PKNOX2: variants seen among roughly 807,000 people sequenced by gnomAD.
PKNOX2 encodes the protein PBX/knotted 1 homeobox 2.
In PKNOX2, 14 loss-of-function variants were observed where a neutral mutation model predicts 53.1. That is an observed-to-expected ratio of 0.26 (90% confidence interval 0.17 to 0.41). The LOEUF (loss-of-function observed/expected upper bound fraction) is 0.41. PKNOX2 is among the 10% of genes least tolerant of loss of function. PKNOX2 has a pLI of 1.00. For synonymous variants in PKNOX2, 257 were observed against 242.8 expected, an observed-to-expected ratio of 1.06 and a Z score of -0.54; for missense variants, 496 against 602.8, an observed-to-expected ratio of 0.82 and a Z score of 1.85.
chr11:125,288,616 C>T (rs1428917781), intron 2 of PKNOX2, among the ~76,000 whole-genome samples: 3 of 152,204 alleles, frequency 2.0e-5, no homozygotes, highest in Admixed American at 6.5e-5. Context: ...ATTTTCCTGG[C>T]CAATTTGAGG....
intron 1 of PKNOX2, among the ~76,000 whole-genome samples, chr11:125,199,163 T>G (rs1938137698): frequency 6.6e-6 from 1 of 152,026 alleles, no homozygotes; most frequent in Admixed American, 6.6e-5. Flanking sequence ...TTTCTCCTCT[T>G]TGGTAGTTGA....
chr11:125,419,244 G>T (rs1956043113), intron 10 of PKNOX2, among the ~76,000 whole-genome samples: 1 of 151,860 alleles, frequency 6.6e-6, no homozygotes, highest in Non-Finnish European at 1.5e-5. Context: ...AACAGGAGCT[G>T]CAATATCCAG....
At chr11:125,351,023 C>G (rs541473683) in intron 3 of PKNOX2, among the ~76,000 whole-genome samples, 2 of 152,066 alleles carry the variant, frequency 1.3e-5, no homozygotes, top group Admixed American at 6.5e-5. Context: ...GGAGCTGATG[C>G]TGAACAAAGC....
intron 2 of PKNOX2, among the ~76,000 whole-genome samples, chr11:125,279,815 G>A (rs1197272557): frequency 6.6e-6 from 1 of 152,184 alleles, no homozygotes; most frequent in East Asian, 1.9e-4. Context: ...GTTAAATACA[G>A]CATCAAATTA....
intron 2 of PKNOX2, among the ~76,000 whole-genome samples, chr11:125,315,282 A>C: frequency 7.3e-6 from 1 of 137,580 alleles, no homozygotes; most frequent in African/African-American, 2.8e-5. Flanking sequence ...TCAAACATTC[A>C]CTTTACTGTT....
At position 125,294,433 on chromosome 11, in the gene PKNOX2, C is replaced by A. The variant is rs540364470; in HGVS notation, c.-129-37386C>A. On this transcript the variant is annotated intron_variant, in intron 2 of 12. Coordinates refer to ENST00000298282, the MANE Select transcript of PKNOX2 (RefSeq NM_001382323.2). ...CATGAAAAGAAAGGAGAAGTCAGTA[C>A]TGAGTAGAGAAGGTGGGAGAAGTCG... Among the ~76,000 whole-genome samples, 5 of 152,190 alleles carry A rather than the reference C, an allele frequency of 3.3e-5. No individual in the cohort carries two copies. The East Asian group carries it at 9.7e-4, about 29-fold the overall frequency.
Position 125,304,381 on chromosome 11 carries a change from A to G in PKNOX2, c.-129-27438A>G, listed in dbSNP as rs149630957. On this transcript the variant is annotated intron_variant, in intron 2 of 12. Coordinates refer to ENST00000298282, the MANE Select transcript of PKNOX2 (RefSeq NM_001382323.2). ...GAGCTGTTCATTCAGAACAATTAGC[A>G]TGCAGTTTGGAGCTGGATGGAACAT... Among the ~76,000 whole-genome samples, 6 of 152,340 alleles carry G rather than the reference A, an allele frequency of 3.9e-5. No individual in the cohort carries two copies. In the East Asian group the frequency reaches 1.2e-3, roughly 29 times the overall value.
chr11:125,418,456 A>T (rs1037590146), intron 10 of PKNOX2, among the ~76,000 whole-genome samples: 1 of 152,010 alleles, frequency 6.6e-6, no homozygotes, highest in Non-Finnish European at 1.5e-5. Context: ...ACTCTGTCAG[A>T]TGCCCAGCTA....
intron 7 of PKNOX2, among the ~76,000 whole-genome samples, chr11:125,409,666 G>T (rs1955371049): frequency 6.6e-6 from 1 of 152,130 alleles, no homozygotes; most frequent in South Asian, 2.1e-4. Flanking sequence ...AGCAGCCGGG[G>T]GACGGGAAAG....
At chr11:125,289,846 C>A (rs1591514474) in intron 2 of PKNOX2, among the ~76,000 whole-genome samples, 1 of 152,182 alleles carries the variant, frequency 6.6e-6, no homozygotes, top group Admixed American at 6.5e-5. Flanking sequence ...GTGTAAGCAC[C>A]TTCACCGGAG....
rs576252665 is a variant in PKNOX2, at chr11:125,235,380, C to T, written c.-130+265C>T. Among the ~76,000 whole-genome samples, 18 of 152,290 alleles carry T rather than the reference C, an allele frequency of 1.2e-4. No homozygotes were observed. The South Asian group carries it at 2.9e-3, about 25-fold the overall frequency. On this transcript the variant is annotated intron_variant, in intron 2 of 12. Transcript: ENST00000298282. ...GATGTGTTACATGTGTCATGAGTGC[C>T]GGAGAAGGAAGCTCTTGAGTCTGCA...
chr11:125,411,658 G>A, intron 9 of PKNOX2, 88 bp from the exon 10 acceptor site: 2 of 1,605,710 alleles, frequency 1.2e-6, no homozygotes, highest in Non-Finnish European at 8.5e-7. Context: ...GGGGCTGGCA[G>A]CCAAGCCTGC....
chr11:125,356,031 C>CG (rs1442564154), intron 4 of PKNOX2, among the ~76,000 whole-genome samples: 1 of 113,254 alleles, frequency 8.8e-6, no homozygotes, highest in South Asian at 2.9e-4. Context: ...CTATCAGCAC[C>CG]CCCCCCCCCA....
chr11:125,338,115 C>T (rs1163862822), intron 3 of PKNOX2, among the ~76,000 whole-genome samples: 5 of 152,200 alleles, frequency 3.3e-5, no homozygotes, highest in Non-Finnish European at 4.4e-5. Context: ...CCCCAGCATC[C>T]GCTCTCTGTC....
intron 7 of PKNOX2, among the ~76,000 whole-genome samples, chr11:125,407,187 G>A (rs1955160570): frequency 6.6e-6 from 1 of 152,156 alleles, no homozygotes; most frequent in Admixed American, 6.5e-5. Flanking sequence ...AGGGAGAGAA[G>A]GGTAGGAAAG....
chr11:125,327,503 T>C (rs1020820699), intron 2 of PKNOX2, among the ~76,000 whole-genome samples: 5 of 152,250 alleles, frequency 3.3e-5, no homozygotes, highest in Non-Finnish European at 7.3e-5. Context: ...CCCTGCCTGC[T>C]GTGCTGCTTA....
intron 3 of PKNOX2, among the ~76,000 whole-genome samples, chr11:125,335,235 T>C (rs1035523230): frequency 6.6e-6 from 1 of 152,194 alleles, no homozygotes; most frequent in African/African-American, 2.4e-5. Context: ...GAACTCCCTG[T>C]AGGATTCTCT....
At chr11:125,363,435 T>C (rs1156864487) in intron 4 of PKNOX2, among the ~76,000 whole-genome samples, 3 of 152,230 alleles carry the variant, frequency 2.0e-5, no homozygotes, top group African/African-American at 7.2e-5. Context: ...AGCTAATAAT[T>C]GGCAGAGGAG....
intron 7 of PKNOX2, among the ~76,000 whole-genome samples, chr11:125,409,072 C>T (rs1287435534): frequency 6.6e-6 from 1 of 152,168 alleles, no homozygotes; most frequent in Admixed American, 6.5e-5. Flanking sequence ...GATGAGGAAC[C>T]GTGGCTAGGA....
Sources: allele counts gnomAD v4.1 joint callset (sites outside exome capture counted in the v4.1 genomes callset), GRCh38; gene constraint gnomAD v4.1.1; transcripts MANE v1.5; gene names NCBI Gene and HGNC (gene_info 2026-07-23, HGNC 2026-07-21).